PPDPFL: variants seen among roughly 807,000 people sequenced by gnomAD.
The protein encoded by PPDPFL is pancreatic progenitor cell differentiation and proliferation factor-like protein.
A neutral mutation model predicts 12.6 loss-of-function variants in PPDPFL; 12 were observed. The observed-to-expected ratio is 0.95, with a 90% CI of 0.61 to 1.54. The LOEUF (loss-of-function observed/expected upper bound fraction) is 1.54, where lower values mean the gene tolerates loss of function less well. Ranked by LOEUF, PPDPFL falls within the 40% of genes most tolerant of loss-of-function variation. PPDPFL has a pLI of 0.00. For missense variants in PPDPFL, 114 were observed against 96.0 expected (o/e 1.19, Z -0.78); for synonymous variants, 24 against 32.7 (o/e 0.73, Z 0.91).
At chr8:49,062,640 G>C (rs1049139969) in intron 1 of PPDPFL, among the ~76,000 whole-genome samples, 4 of 152,176 alleles carry the variant, frequency 2.6e-5, no homozygotes, top group African/African-American at 4.8e-5. Context: ...GAAGGGTCAG[G>C]CAGTGGCACT....
upstream of PPDPFL, among the ~76,000 whole-genome samples, chr8:49,067,969 G>T (rs1182983759): frequency 6.6e-6 from 1 of 151,890 alleles, no homozygotes; most frequent in Admixed American, 6.6e-5. Flanking sequence ...TTAGTACTTG[G>T]ATATTTAAAA....
Position 49,074,996 on chromosome 8 carries a change from G to T in PPDPFL, c.234-156G>T, listed in dbSNP as rs868211776. 4.3e-5 allele frequency: 60 copies of T among 1,382,592 alleles called. No individual in the cohort carries two copies. In the Middle Eastern group the frequency reaches 6.9e-4, roughly 16 times the overall value. The allele number at this position is 1,382,592 out of a possible 1,614,324, so 85.6% of individuals were successfully genotyped here. On this transcript the variant is annotated intron_variant, in intron 4 of 4. Transcript: ENST00000522267. ...AATTTAGAATCATTATTTAAAATTA[G>T]AATCATTATTTAAAGTATTTTTAAA...
At chr8:49,070,351 A>G (rs1808358278), upstream of PPDPFL, among the ~76,000 whole-genome samples, 1 of 152,230 alleles carries the variant, frequency 6.6e-6, no homozygotes, top group Non-Finnish European at 1.5e-5. Flanking sequence ...AACACGTGTT[A>G]CCTGTGTAAC....
intron 4 of PPDPFL, chr8:49,074,663 G>T (rs1042670430): frequency 6.6e-7 from 1 of 1,515,600 alleles, no homozygotes; most frequent in Non-Finnish European, 8.8e-7. Context: ...TTCAGGAAAA[G>T]AATAACCATT....
intron 1 of PPDPFL, among the ~76,000 whole-genome samples, chr8:49,058,961 A>C (rs1312709947): frequency 6.6e-6 from 1 of 152,190 alleles, no homozygotes; most frequent in African/African-American, 2.4e-5. Flanking sequence ...ATGCATCCCC[A>C]CTAGTGCTTG....
chr8:49,058,761 C>T (rs1808149625), intron 1 of PPDPFL, among the ~76,000 whole-genome samples: 1 of 152,156 alleles, frequency 6.6e-6, no homozygotes, highest in Non-Finnish European at 1.5e-5. Flanking sequence ...GAAGTCTTAA[C>T]CTCCAAAGTC....
intron 2 of PPDPFL, 87 bp from the exon 3 acceptor site, chr8:49,073,972 C>T (rs1209107975): frequency 2.4e-6 from 2 of 848,896 alleles, no homozygotes; most frequent in Non-Finnish European, 3.9e-6. Flanking sequence ...TCAAACCATG[C>T]TACTTGACAG....
chr8:49,056,632 G>C (rs968464642), intron 1 of PPDPFL, among the ~76,000 whole-genome samples: 2 of 152,142 alleles, frequency 1.3e-5, no homozygotes, highest in South Asian at 4.1e-4. Flanking sequence ...CAGTGAGCCT[G>C]CCAGATATCC....
chr8:49,071,034 C>T (rs1013076019), upstream of PPDPFL, among the ~76,000 whole-genome samples: 5 of 152,132 alleles, frequency 3.3e-5, no homozygotes, highest in Admixed American at 3.3e-4. Flanking sequence ...TCTCCTGACT[C>T]CCCGATCTCC....
chr8:49,057,629 G>A (rs946192796), intron 1 of PPDPFL, among the ~76,000 whole-genome samples: 7 of 151,916 alleles, frequency 4.6e-5, no homozygotes, highest in Non-Finnish European at 1.0e-4. Flanking sequence ...TCACCAAAAG[G>A]CCTACACTCA....
At chr8:49,061,168 G>A (rs1427339664) in intron 1 of PPDPFL, among the ~76,000 whole-genome samples, 1 of 152,098 alleles carries the variant, frequency 6.6e-6, no homozygotes, top group Admixed American at 6.6e-5. Context: ...CTCAGATGTT[G>A]ATGTCTTAAC....
At chr8:49,074,782 T>C in intron 4 of PPDPFL, 1 of 1,432,742 alleles carries the variant, frequency 7.0e-7, no homozygotes, top group Non-Finnish European at 9.1e-7. Flanking sequence ...GTGCAGTTGT[T>C]TTCAGACATT....
intron 1 of PPDPFL, among the ~76,000 whole-genome samples, chr8:49,060,504 G>T (rs1336700564): frequency 2.0e-5 from 3 of 151,998 alleles, no homozygotes; most frequent in African/African-American, 7.3e-5. Flanking sequence ...GTAGAGACAG[G>T]GTTTCTCCAT....
chr8:49,074,305 G>A lies in PPDPFL; in HGVS notation c.205G>A (p.Val69Met), dbSNP rs746485291. Residue 69 changes from valine (V) to methionine (M), a missense_variant, in exon 4 of 5, where the codon GTG becomes ATG. By Grantham distance (21) the Val-to-Met change is conservative. Transcript: ENST00000522267. ...FFHSEPVLSN[V>M]RIKDLSATGL... The stretch of plus-strand genomic sequence containing the variant: ...CCATTCTGAACCTGTGCTTTCAAAT[G>A]TGAGAATAAAAGATCTGTCTGCTAC... 2.5e-6 allele frequency: 4 copies of A among 1,614,012 alleles called. No homozygotes were observed. The South Asian group carries it at 3.3e-5, about 13-fold the overall frequency.
chr8:49,071,139 G>T (rs970594368), upstream of PPDPFL, among the ~76,000 whole-genome samples: 1 of 152,132 alleles, frequency 6.6e-6, no homozygotes, highest in African/African-American at 2.4e-5. Flanking sequence ...CCTGTGTCTG[G>T]AGTAATATTT....
chr8:49,065,190 C>T (rs1040275229), intron 1 of PPDPFL, among the ~76,000 whole-genome samples: 16 of 152,212 alleles, frequency 1.1e-4, no homozygotes, highest in South Asian at 6.2e-4. Flanking sequence ...GAATCCTAAA[C>T]GGAGAACATA....
At position 49,075,206 on chromosome 8, in the gene PPDPFL, T is replaced by G; in HGVS notation, c.*33T>G. The G allele has an allele frequency of 6.2e-7, 1 of 1,613,984 alleles. No individual in the cohort carries two copies. The highest frequency in any genetic ancestry group is 8.5e-7 in the Non-Finnish European group (1 of 1,179,866). ...TCTTTGCACTGCCATTTGATGAACA[T>G]GTTGGTAACGGTTGCCTGCCTTATG... On this transcript the variant is annotated 3_prime_UTR_variant, in exon 5 of 5. Transcript: ENST00000522267.
intron 4 of PPDPFL, 195 bp downstream of exon 4, chr8:49,074,528 A>G (rs931727250): frequency 6.5e-7 from 1 of 1,537,174 alleles, no homozygotes; most frequent in East Asian, 2.4e-5. Flanking sequence ...CAGGAAGATC[A>G]TAGCACCCTT....
At chr8:49,063,317 C>G (rs1019301366) in intron 1 of PPDPFL, among the ~76,000 whole-genome samples, 1 of 152,188 alleles carries the variant, frequency 6.6e-6, no homozygotes, top group Non-Finnish European at 1.5e-5. Flanking sequence ...GTGCCAGCTT[C>G]CAGAACTTCT....
Sources: allele counts gnomAD v4.1 joint callset (sites outside exome capture counted in the v4.1 genomes callset), GRCh38; gene constraint gnomAD v4.1.1; transcripts MANE v1.5; gene names NCBI Gene and HGNC (gene_info 2026-07-23, HGNC 2026-07-21).